Variants in TH observed in about 807,000 individuals in gnomAD.
TH encodes the protein tyrosine 3-monooxygenase.
TH carries 49 observed loss-of-function variants against 57.4 expected under a neutral mutation model. The observed-to-expected ratio is 0.85, with a 90% CI of 0.68 to 1.08. The LOEUF is 1.08. TH is among the 50% of genes least tolerant of loss of function. The pLI is 0.00. For synonymous variants in TH, 330 were observed against 304.5 expected (o/e 1.08, Z -0.87); for missense variants, 720 against 696.7 (o/e 1.03, Z -0.38).
intron 2 of TH, among the ~76,000 whole-genome samples, chr11:2,169,017 A>T (rs373285505): frequency 1.3e-5 from 2 of 152,138 alleles, no homozygotes; most frequent in South Asian, 2.1e-4. Context: ...TGGTGGCCTC[A>T]TCCAGGTTTG....
In TH at chr11:2,166,703, G is replaced by A. The variant is rs1229760285; in HGVS notation, c.907C>T (p.Leu303=). 4 of 1,554,704 alleles carry A rather than the reference G, an allele frequency of 2.6e-6. No homozygotes were observed. The highest frequency in any genetic ancestry group is 3.5e-6 in the Non-Finnish European group (4 of 1,149,420). The change falls in exon 8 of 13, where the codon CTG becomes TTG. Residue 303 remains leucine, a synonymous_variant. Transcript: ENST00000352909. ...GTGCACTGGAACACGCGGAAGGCCA[G>A]GCTGGCCAGGAAGTCCCGGGCGGAC... The part of the protein sequence containing the change: ...LLSARDFLAS[L]AFRVFQCTQY...
In TH at chr11:2,166,959, A is replaced by G. The variant is rs138787428; in HGVS notation, c.769T>C (p.Leu257=). ...CGGTAGCCGCTGAAGCGCTCCAGCA[A>G]AGCAAAGGCCTCCAGGTGCTCCCCG... ...ACGEHLEAFA[L]LERFSGYRED... The change falls in exon 7 of 13, where the codon TTG becomes CTG. Residue 257 remains leucine, a synonymous_variant. Coordinates refer to ENST00000352909, the MANE Select transcript of TH (RefSeq NM_000360.4). 9 of 1,595,956 alleles carry G rather than the reference A, an allele frequency of 5.6e-6. No individual in the cohort carries two copies. The Admixed American group carries it at 6.9e-5, about 12-fold the overall frequency.
At chr11:2,165,813 G>A (rs1358206625) in intron 10 of TH, 50 bp from the exon 11 acceptor site, 9 of 1,582,550 alleles carry the variant, frequency 5.7e-6, no homozygotes, top group Non-Finnish European at 7.7e-6. Context: ...CCGCCCACCG[G>A]GCAGCCCCTG....
At chr11:2,167,802 AC>A (rs1846139915) in intron 5 of TH, 63 bp downstream of exon 5, 2 of 1,510,592 alleles carry the variant, frequency 1.3e-6, no homozygotes, top group African/African-American at 1.4e-5. Flanking sequence ...CTTCCCTCCC[AC>A]CCCCCAGGTC....
At position 2,171,781 on chromosome 11, in the gene TH, G is replaced by T; in HGVS notation, c.6C>A (p.Pro2=). 6.2e-7 allele frequency: 1 copy of T among 1,611,752 alleles called. No individual in the cohort carries two copies. The change falls in exon 1 of 13, where the codon CCC becomes CCA. Residue 2 remains proline, a synonymous_variant. Coordinates refer to ENST00000352909, the MANE Select transcript of TH (RefSeq NM_000360.4). This position sits in a 1 kb window ranked among gnomAD's most constrained non-coding sequence, Gnocchi z 8.6. M[P]TPDATTPQAK... Reference sequence around the variant, plus strand: ...CCTGTGGCGTGGTGGCGTCGGGGGTGGGCATGGCTCAGTGTGGAGGTCCGG... The same window carrying T: ...CCTGTGGCGTGGTGGCGTCGGGGGTTGGCATGGCTCAGTGTGGAGGTCCGG...
rs773958550 is a variant in TH at position 2,165,334 on chromosome 11, G to A, written c.1232C>T (p.Ala411Val). 1 of 1,612,128 alleles carries A rather than the reference G, an allele frequency of 6.2e-7. No individual in the cohort carries two copies. Among genetic ancestry groups the A allele is most frequent in the East Asian group, 2.2e-5 (1 of 44,864 alleles). ...CACGGCCGCAGCCTCAGGGTCGAAG[G>A]CCCGAATCTCAGGCTCCTCAGACAG... is the stretch of plus-strand genomic sequence containing the variant. ...HCLSEEPEIR[A>V]FDPEAAAVQP... Residue 411 changes from alanine (A) to valine (V), a missense_variant, in exon 12 of 13, where the codon GCC becomes GTC. By Grantham distance (64) the Ala-to-Val change is moderately conservative (BLOSUM62 0). Coordinates refer to ENST00000352909, the MANE Select transcript of TH (RefSeq NM_000360.4).
At position 2,165,692 on chromosome 11, in the gene TH, C is replaced by T; in HGVS notation, c.1176G>A (p.Leu392=). 6.2e-7 allele frequency: 1 copy of T among 1,612,828 alleles called. No homozygotes were observed. The highest frequency in any genetic ancestry group is 8.5e-7 in the Non-Finnish European group (1 of 1,179,974). The change falls in exon 11 of 13, where the codon CTG becomes CTA. Residue 392 remains leucine, a synonymous_variant. Coordinates refer to ENST00000352909, the MANE Select transcript of TH (RefSeq NM_000360.4). The part of the protein sequence containing the change: ...NGEVKAYGAG[L]LSSYGELLHC... ...CCAGGAGCTCCCCGTAGGAGGACAG[C>T]AGCCCGGCACCATAGGCCTTCACCT...
chr11:2,167,897 G>T lies in TH; in HGVS notation c.613C>A (p.Leu205Met). ...SDQVYRQRRK[L>M]IAEIAFQYRH... The stretch of plus-strand genomic sequence containing the variant: ...TACTGGAAGGCGATCTCAGCAATCA[G>T]CTTCCTGCGCTGGCGGTACACCTGG... Residue 205 changes from leucine (L) to methionine (M), a missense_variant, in exon 5 of 13, where the codon CTG (leucine) becomes ATG (methionine). Coordinates refer to ENST00000352909, the MANE Select transcript of TH (RefSeq NM_000360.4). 6.2e-7 allele frequency: 1 copy of T among 1,610,738 alleles called. No homozygotes were observed. Among genetic ancestry groups the T allele is most frequent in the Admixed American group, 1.7e-5 (1 of 59,830 alleles).
chr11:2,168,835 G>C (rs543604395), intron 2 of TH, 170 bp from the exon 3 acceptor site: 2 of 843,624 alleles, frequency 2.4e-6, no homozygotes, highest in Non-Finnish European at 3.8e-6. Flanking sequence ...GTCAGCTGTC[G>C]GCCACCAGGC....
chr11:2,170,041 C>A lies in TH; in HGVS notation c.91-170G>T, dbSNP rs1218679899. 1.3e-5 allele frequency among the ~76,000 whole-genome samples: 2 copies of A among 152,208 alleles called. No homozygotes were observed. The highest frequency in any genetic ancestry group is 2.9e-5 in the Non-Finnish European group (2 of 68,024). On this transcript the variant is annotated intron_variant, in intron 1 of 12. Transcript: ENST00000352909. This position sits in a 1 kb window ranked among gnomAD's most constrained non-coding sequence, Gnocchi z 6.0. ...GCTGGGGCAGATGCTAGCCGAGGTG[C>A]CTGCGGGCATTGCACGCCCTTCCCG...
chr11:2,166,806 G>C lies in TH; in HGVS notation c.842-38C>G, dbSNP rs776510373. The C allele has an allele frequency of 6.5e-5, 101 of 1,549,698 alleles. No individual in the cohort carries two copies. The Admixed American group carries it at 1.9e-3, about 29-fold the overall frequency. ...ACGCGGGTCACTGCCGAGCCGGGAC[G>C]GGCTGGAGCCGCGCTGGGGTGGGGC... On this transcript the variant is annotated intron_variant, in intron 7 of 12. Coordinates refer to ENST00000352909, the MANE Select transcript of TH (RefSeq NM_000360.4).
Position 2,168,575 on chromosome 11 carries a change from C to T in TH, c.403G>A (p.Glu135Lys), listed in dbSNP as rs143087358. Residue 135 changes from glutamate (E) to lysine (K), a missense_variant, in exon 3 of 13, where the codon GAG (glutamate) becomes AAG (lysine). By Grantham distance (56) the Glu-to-Lys change is moderately conservative (BLOSUM62 1). Coordinates refer to ENST00000352909, the MANE Select transcript of TH (RefSeq NM_000360.4). ...GCGGCCAGGTCCCCTCGGCGCACCTCGAGGCGCACGAAGTACTCCAGGTGG... is the reference window on the plus strand; with the variant it reads ...GCGGCCAGGTCCCCTCGGCGCACCTTGAGGCGCACGAAGTACTCCAGGTGG... Reference protein sequence around the residue: ...GPHLEYFVRLEVRRGDLAALL... With the variant: ...GPHLEYFVRLKVRRGDLAALL... 4.3e-5 allele frequency: 69 copies of T among 1,611,726 alleles called. No individual in the cohort carries two copies. The highest frequency in any genetic ancestry group is 3.3e-4 in the African/African-American group (25 of 75,024).
chr11:2,165,842 A>T lies in TH; in HGVS notation c.1105-79T>A, dbSNP rs1590166067. 18 of 1,534,256 alleles carry T rather than the reference A, an allele frequency of 1.2e-5. No individual in the cohort carries two copies. In the East Asian group the frequency reaches 4.4e-4, roughly 37 times the overall value. ...GCCCCTGGTCACCCGTGACCAGGAT[A>T]CCACCCCCAGGGAGGCCAGGCCAGG... is the stretch of plus-strand genomic sequence containing the variant. On this transcript the variant is annotated intron_variant, in intron 10 of 12. Coordinates refer to ENST00000352909, the MANE Select transcript of TH (RefSeq NM_000360.4).
rs747505017 is a variant in TH, at chr11:2,166,470, C to T, written c.1047+10G>A. 3.8e-6 allele frequency: 6 copies of T among 1,573,070 alleles called. No individual in the cohort carries two copies. The Admixed American group carries it at 9.0e-5, about 23-fold the overall frequency. ...GGGTGACCCCGGCTCCCTCCGAGGC[C>T]GCGGCGTACCTGCGAGAACTGCGCG... On this transcript the variant is annotated intron_variant, in intron 9 of 12. Transcript: ENST00000352909.
intron 9 of TH, 79 bp downstream of exon 9, chr11:2,166,401 C>A (rs1451963708): frequency 1.9e-5 from 29 of 1,499,784 alleles, no homozygotes; most frequent in South Asian, 3.7e-5. Flanking sequence ...CTTCACCCAC[C>A]CGCACATCGA....
At chr11:2,165,598 C>T (rs1204187337) in intron 11 of TH, 70 bp downstream of exon 11, 5 of 1,524,996 alleles carry the variant, frequency 3.3e-6, no homozygotes, top group Non-Finnish European at 3.6e-6. Context: ...CACTGGGAGC[C>T]TGTCCCCTCC....
intron 11 of TH, 113 bp from the exon 12 acceptor site, chr11:2,165,478 C>T: frequency 6.6e-7 from 1 of 1,516,298 alleles, no homozygotes; most frequent in Non-Finnish European, 9.0e-7. Flanking sequence ...CCCCCATCTC[C>T]CCCGCCGGGC....
At chr11:2,166,584 G>T (rs574052802) in intron 8 of TH, 35 bp from the exon 9 acceptor site, 2 of 1,588,188 alleles carry the variant, frequency 1.3e-6, no homozygotes, top group African/African-American at 2.7e-5. Context: ...CTGAGGGGCC[G>T]CCCGTCGCAC....
chr11:2,170,312 C>A lies in TH; in HGVS notation c.91-441G>T, dbSNP rs1345650424. 1.3e-5 allele frequency among the ~76,000 whole-genome samples: 2 copies of A among 152,116 alleles called. No individual in the cohort carries two copies. Among genetic ancestry groups the A allele is most frequent in the East Asian group, 1.9e-4 (1 of 5,160 alleles). The stretch of plus-strand genomic sequence containing the variant: ...CCCCACAGGGCCCCAGTGAACAACC[C>A]CCCTACCCTCCTGGCTGCCGCACAG... On this transcript the variant is annotated intron_variant, in intron 1 of 12. Transcript: ENST00000352909. This position sits in a 1 kb window ranked among gnomAD's most constrained non-coding sequence, Gnocchi z 6.0.
Sources: gnomAD v4.1 joint callset for allele counts (sites outside exome capture counted in the v4.1 genomes callset) on GRCh38, gnomAD v4.1.1 for gene constraint, Gnocchi (gnomAD v3.1) non-coding constraint, MANE v1.5 for transcripts, NCBI Gene and HGNC (gene_info 2026-07-23, HGNC 2026-07-21) for gene names.